The following CENPK variants were observed in gnomAD, a reference collection of about 807,000 sequenced individuals.
CENPK encodes SoxLZ/Sox6-binding protein Solt.
CENPK carries 46 observed loss-of-function variants against 40.9 expected under a neutral mutation model. That is an observed-to-expected ratio of 1.13 (90% CI 0.89 to 1.44). The LOEUF is 1.44. Ranked by LOEUF, CENPK falls within the 40% of genes most tolerant of loss-of-function variation. The pLI is 0.00. For missense variants in CENPK, 288 were observed against 303.5 expected (o/e 0.95, Z 0.38); for synonymous variants, 107 against 104.4 (o/e 1.02, Z -0.15).
intron 10 of CENPK, among the ~76,000 whole-genome samples, chr5:65,519,046 T>C (rs1743220407): frequency 6.6e-6 from 1 of 152,212 alleles, no homozygotes; most frequent in Non-Finnish European, 1.5e-5. Context: ...AAAACACCTA[T>C]TCTTCTGATA....
intron 4 of CENPK, 95 bp downstream of exon 4, chr5:65,552,398 T>C: frequency 2.7e-6 from 2 of 738,950 alleles, no homozygotes; most frequent in South Asian, 1.9e-5. Flanking sequence ...AACAAAGGTA[T>C]TAAACTTGAG....
intron 2 of CENPK, among the ~76,000 whole-genome samples, chr5:65,559,242 C>T (rs1243085365): frequency 6.6e-6 from 1 of 152,170 alleles, no homozygotes; most frequent in African/African-American, 2.4e-5. Context: ...ATTGTAAAGA[C>T]GTTAATTCTC....
At chr5:65,501,691 C>T in the CENPK span, among the ~76,000 whole-genome samples, 1 of 152,104 alleles carries the variant, frequency 6.6e-6, no homozygotes, top group African/African-American at 2.4e-5. Flanking sequence ...TGGTGAAAGT[C>T]CACGTTCTCT....
intron 9 of CENPK, 68 bp from the exon 10 acceptor site, chr5:65,521,596 T>G: frequency 9.5e-7 from 1 of 1,050,014 alleles, no homozygotes; most frequent in East Asian, 2.6e-5. Flanking sequence ...TATTGGACTG[T>G]TTTTATAAGA....
chr5:65,508,960 G>A, the CENPK span, among the ~76,000 whole-genome samples: 1 of 151,998 alleles, frequency 6.6e-6, no homozygotes, highest in Admixed American at 6.6e-5. Flanking sequence ...ATGCCATTAA[G>A]AAAATAAAAA....
At chr5:65,555,746 A>G (rs1010550278) in intron 2 of CENPK, among the ~76,000 whole-genome samples, 1 of 152,210 alleles carries the variant, frequency 6.6e-6, no homozygotes, top group African/African-American at 2.4e-5. Context: ...TGTCAGAGAG[A>G]AGTGAATTAT....
chr5:65,516,976 C>T (rs180727063), downstream of CENPK, among the ~76,000 whole-genome samples: 164 of 151,660 alleles, frequency 1.1e-3, no homozygotes, highest in Non-Finnish European at 1.9e-3. Flanking sequence ...CGGAGTTTTG[C>T]TCGTCACCCA....
At chr5:65,535,448 A>C (rs987795971) in intron 6 of CENPK, among the ~76,000 whole-genome samples, 8 of 152,194 alleles carry the variant, frequency 5.3e-5, no homozygotes, top group Non-Finnish European at 1.2e-4. Context: ...CACCAGCTTG[A>C]TTAGAGAGTT....
chr5:65,562,656 G>C (rs1467018364), intron 1 of CENPK: 1 of 152,180 alleles, frequency 6.6e-6, no homozygotes, highest in African/African-American at 2.4e-5. Context: ...AGATGAGGAG[G>C]AGGAGAAAGA....
intron 6 of CENPK, among the ~76,000 whole-genome samples, chr5:65,535,648 A>C (rs564972538): frequency 6.6e-6 from 1 of 152,250 alleles, no homozygotes; most frequent in East Asian, 1.9e-4. Flanking sequence ...GCATCCACAC[A>C]ACTCTACTGG....
intron 8 of CENPK, 59 bp downstream of exon 8, chr5:65,528,860 G>A (rs1229171585): frequency 6.2e-6 from 7 of 1,126,268 alleles, no homozygotes; most frequent in Non-Finnish European, 9.0e-6. Context: ...TATGTTTCAT[G>A]TAACACAAAA....
chr5:65,552,147 G>A (rs902060579), intron 4 of CENPK, among the ~76,000 whole-genome samples: 10 of 152,026 alleles, frequency 6.6e-5, no homozygotes, highest in Non-Finnish European at 1.5e-4. Context: ...CTTTGGTAGC[G>A]ACGGGGTTTT....
the CENPK span, among the ~76,000 whole-genome samples, chr5:65,496,716 C>T: frequency 6.6e-6 from 1 of 151,958 alleles, no homozygotes; most frequent in East Asian, 1.9e-4. Flanking sequence ...TTATACTTTG[C>T]TGTTTGTTTT....
At chr5:65,522,894 C>A (rs1005994952) in intron 9 of CENPK, among the ~76,000 whole-genome samples, 1 of 152,184 alleles carries the variant, frequency 6.6e-6, no homozygotes, top group Non-Finnish European at 1.5e-5. Context: ...TTCATAATTA[C>A]GGAGACTGGA....
At chr5:65,516,157 G>A (rs554724728), downstream of CENPK, among the ~76,000 whole-genome samples, 1 of 152,206 alleles carries the variant, frequency 6.6e-6, no homozygotes, top group East Asian at 1.9e-4. Context: ...GGGGAAGAGG[G>A]GAACATGAAC....
At chr5:65,503,587 G>A in the CENPK span, among the ~76,000 whole-genome samples, 2 of 151,810 alleles carry the variant, frequency 1.3e-5, no homozygotes, top group African/African-American at 4.8e-5. Flanking sequence ...ATTTAAATTG[G>A]CACATTTAAA....
intron 3 of CENPK, among the ~76,000 whole-genome samples, chr5:65,553,018 C>T (rs1402345372): frequency 6.6e-6 from 1 of 151,996 alleles, no homozygotes; most frequent in Non-Finnish European, 1.5e-5. Context: ...TCTATTTCTG[C>T]TCATTTGTAA....
the CENPK span, among the ~76,000 whole-genome samples, chr5:65,503,407 A>G: frequency 1.3e-5 from 2 of 152,016 alleles, no homozygotes; most frequent in African/African-American, 4.8e-5. Flanking sequence ...TGTCCGGCCT[A>G]TAATTTTAAA....
chr5:65,515,837 T>C (rs1202835038), downstream of CENPK, among the ~76,000 whole-genome samples: 1 of 152,214 alleles, frequency 6.6e-6, no homozygotes, highest in Admixed American at 6.5e-5. Context: ...TTAGTCTATC[T>C]AGGCTACCCT....
Sources: allele counts gnomAD v4.1 joint callset (sites outside exome capture counted in the v4.1 genomes callset), GRCh38; gene constraint gnomAD v4.1.1; transcripts MANE v1.5; gene names NCBI Gene and HGNC (gene_info 2026-07-23, HGNC 2026-07-21).